The following IL12RB2 variants were observed in gnomAD, a reference collection of about 807,000 sequenced individuals.
IL12RB2 encodes interleukin-12 receptor subunit beta-2.
In IL12RB2, 82 loss-of-function variants were observed where a neutral mutation model predicts 89.4. The observed-to-expected ratio is 0.92, with a 90% CI of 0.77 to 1.10. The LOEUF (loss-of-function observed/expected upper bound fraction) is 1.10. IL12RB2 is among the 50% of genes least tolerant of loss of function. The pLI is 0.00. For synonymous variants in IL12RB2, 368 were observed against 370.1 expected (o/e 0.99, Z 0.07); for missense variants, 963 against 1,031.9 (o/e 0.93, Z 0.92).
chr1:67,385,645 T>G (rs1348911627), intron 14 of IL12RB2, among the ~76,000 whole-genome samples: 2 of 152,224 alleles, frequency 1.3e-5, no homozygotes, highest in Admixed American at 1.3e-4. Flanking sequence ...ACTCAGCGAG[T>G]GCTGGATGAA....
At chr1:67,352,548 C>G (rs1284642627) in intron 10 of IL12RB2, among the ~76,000 whole-genome samples, 1 of 152,228 alleles carries the variant, frequency 6.6e-6, no homozygotes, top group Non-Finnish European at 1.5e-5. Context: ...CATCAGCCCA[C>G]TGGTCACCTG....
At chr1:67,393,638 G>A (rs893634708) in intron 16 of IL12RB2, among the ~76,000 whole-genome samples, 3 of 152,180 alleles carry the variant, frequency 2.0e-5, no homozygotes, top group Non-Finnish European at 4.4e-5. Flanking sequence ...AGCTTGGCGG[G>A]GCCCTTTGTG....
intron 10 of IL12RB2, among the ~76,000 whole-genome samples, chr1:67,364,108 T>C (rs977503867): frequency 3.9e-5 from 6 of 152,340 alleles, no homozygotes; most frequent in Non-Finnish European, 5.9e-5. Context: ...TATAGACATA[T>C]AGGCCAGCAC....
intron 1 of IL12RB2, 75 bp downstream of exon 1, chr1:67,308,042 C>T (rs1181649748): frequency 6.6e-6 from 1 of 152,002 alleles, no homozygotes; most frequent in African/African-American, 2.4e-5. Context: ...TCTGCGTGCC[C>T]GGGATTCCGT....
At chr1:67,315,125 G>A (rs1460239705) in intron 2 of IL12RB2, among the ~76,000 whole-genome samples, 1 of 151,752 alleles carries the variant, frequency 6.6e-6, no homozygotes, top group Non-Finnish European at 1.5e-5. Flanking sequence ...GTTTGTGTTT[G>A]GATCAATGTA....
chr1:67,372,295 C>G, intron 11 of IL12RB2, 141 bp from the exon 12 acceptor site: 1 of 711,070 alleles, frequency 1.4e-6, no homozygotes, highest in Non-Finnish European at 2.6e-6. Flanking sequence ...GGTCATCAGT[C>G]CAGACTGTGC....
At chr1:67,359,481 C>T (rs1020926366) in intron 10 of IL12RB2, among the ~76,000 whole-genome samples, 2 of 152,002 alleles carry the variant, frequency 1.3e-5, no homozygotes, top group African/African-American at 2.4e-5. Flanking sequence ...CAGCACTTTG[C>T]GGGGCTGAGT....
At position 67,395,941 on chromosome 1, in the gene IL12RB2, C is replaced by G; in HGVS notation, c.2441C>G (p.Pro814Arg). The change falls in exon 17 of 17, where the codon CCT becomes CGT. Residue 814 changes from proline to arginine, a missense_variant. Transcript: ENST00000674203. ...NIDDLPSHEA[P>R]LADSLEELEP... ...GATGACCTCCCCTCACATGAGGCAC[C>G]TCTCGCTGACTCTCTGGAAGAACTG... The G allele has an allele frequency of 3.1e-6, 5 of 1,612,044 alleles. No homozygotes were observed. The highest frequency in any genetic ancestry group is 4.2e-6 in the Non-Finnish European group (5 of 1,178,014).
In IL12RB2 at chr1:67,321,787, C is replaced by A. The variant is rs768955962; in HGVS notation, c.262C>A (p.Gln88Lys). The A allele has an allele frequency of 6.2e-7, 1 of 1,610,824 alleles. No individual in the cohort carries two copies. Among genetic ancestry groups the A allele is most frequent in the Admixed American group, 1.7e-5 (1 of 60,022 alleles). ...TCACCATGGCCACTCCCTCAATTCT[C>A]AAGTCACAGGTCTTCCCCTTGGTAC... ...NFHHGHSLNS[Q>K]VTGLPLGTTL... The change falls in exon 4 of 17, where the codon CAA (glutamine) becomes AAA (lysine). Residue 88 changes from glutamine to lysine, a missense_variant. Gln to Lys is a moderately conservative substitution (Grantham distance 53, BLOSUM62 1). Coordinates refer to ENST00000674203, the MANE Select transcript of IL12RB2 (RefSeq NM_001374259.2).
intron 15 of IL12RB2, among the ~76,000 whole-genome samples, chr1:67,387,425 G>A (rs910400426): frequency 1.3e-5 from 2 of 151,770 alleles, no homozygotes; most frequent in East Asian, 1.9e-4. Flanking sequence ...ATGGCAGGCC[G>A]GGCACAATGG....
At chr1:67,366,589 C>A (rs997030136) in intron 10 of IL12RB2, among the ~76,000 whole-genome samples, 1 of 151,748 alleles carries the variant, frequency 6.6e-6, no homozygotes, top group African/African-American at 2.4e-5. Context: ...GAAATGAGAG[C>A]CTTCATGCTT....
In IL12RB2 at chr1:67,395,277, A is replaced by G. The variant is rs149324928; in HGVS notation, c.2047-270A>G. On this transcript the variant is annotated intron_variant, in intron 16 of 16. Transcript: ENST00000674203. ...AAGGCGACTTCGTCTCAAGAAAAAA[A>G]AAAAAAAGAAAGAAAGAAACAGGTT... 1.6e-4 allele frequency among the ~76,000 whole-genome samples: 25 copies of G among 152,006 alleles called. No homozygotes were observed. The East Asian group carries it at 4.6e-3, about 28-fold the overall frequency.
At chr1:67,373,208 A>T (rs1337683986) in intron 13 of IL12RB2, among the ~76,000 whole-genome samples, 1 of 152,182 alleles carries the variant, frequency 6.6e-6, no homozygotes, top group Non-Finnish European at 1.5e-5. Context: ...CCCTGGGCTC[A>T]AGCAATCCTC....
At chr1:67,389,872 C>T (rs188747633) in intron 15 of IL12RB2, among the ~76,000 whole-genome samples, 157 bp from the exon 16 acceptor site, 16 of 152,262 alleles carry the variant, frequency 1.1e-4, no homozygotes, top group East Asian at 3.9e-4. Context: ...AGAAAACTAC[C>T]GTAGTCTTGG....
At chr1:67,358,262 G>T (rs1661614148) in intron 10 of IL12RB2, among the ~76,000 whole-genome samples, 3 of 152,186 alleles carry the variant, frequency 2.0e-5, no homozygotes, top group African/African-American at 7.2e-5. Context: ...TGTTTCTCCA[G>T]CTAAACTATC....
chr1:67,352,405 C>A (rs1660946631), intron 10 of IL12RB2, among the ~76,000 whole-genome samples: 1 of 152,146 alleles, frequency 6.6e-6, no homozygotes, highest in African/African-American at 2.4e-5. Flanking sequence ...GGCTTTCATC[C>A]TTATGATGGA....
intron 11 of IL12RB2, 110 bp downstream of exon 11, chr1:67,368,135 G>A (rs2100986940): frequency 2.8e-6 from 2 of 725,568 alleles, no homozygotes; most frequent in Non-Finnish European, 4.9e-6. Flanking sequence ...GCTACATGAT[G>A]AGAGAGACTG....
chr1:67,351,046 T>A lies in IL12RB2; in HGVS notation c.1215T>A (p.Ser405Arg). The A allele has an allele frequency of 6.2e-7, 1 of 1,613,698 alleles. No homozygotes were observed. Among genetic ancestry groups the A allele is most frequent in the Non-Finnish European group, 8.5e-7 (1 of 1,179,940 alleles). The stretch of plus-strand genomic sequence containing the variant: ...TGTCTGCAGCAAATTCAAAAGGCAG[T>A]TCTCTGCCCACTCGTATTAACATAA... ...VAVSAANSKGSSLPTRINIMN... is the reference protein window; with the variant it reads ...VAVSAANSKGRSLPTRINIMN... The change falls in exon 10 of 17, where the codon AGT (serine) becomes AGA (arginine). Residue 405 changes from serine (S) to arginine (R), a missense_variant. Transcript: ENST00000674203.
Position 67,326,743 on chromosome 1 carries a change from G to C in IL12RB2, c.373G>C (p.Glu125Gln), listed in dbSNP as rs368112959. ...GTCTTTTCTTTTTAAAGTTGCTCCAGAACAGCCTCAAAATTTATCCTGCAT... is the reference window on the plus strand; with the variant it reads ...GTCTTTTCTTTTTAAAGTTGCTCCACAACAGCCTCAAAATTTATCCTGCAT... ...GAEIFVGVAPEQPQNLSCIQK... is the reference protein window; with the variant it reads ...GAEIFVGVAPQQPQNLSCIQK... The change falls in exon 5 of 17, where the codon GAA becomes CAA. Residue 125 changes from glutamate (E) to glutamine (Q), a missense_variant. By Grantham distance (29) the Glu-to-Gln change is conservative. Transcript: ENST00000674203. 5.6e-6 allele frequency: 9 copies of C among 1,613,014 alleles called. No individual in the cohort carries two copies. Among genetic ancestry groups the C allele is most frequent in the East Asian group, 2.2e-5 (1 of 44,822 alleles).
Sources: allele counts gnomAD v4.1 joint callset (sites outside exome capture counted in the v4.1 genomes callset), GRCh38; gene constraint gnomAD v4.1.1; transcripts MANE v1.5; gene names NCBI Gene and HGNC (gene_info 2026-07-23, HGNC 2026-07-21).